Variants in MGAT4D observed in about 807,000 individuals in gnomAD.
MGAT4D encodes alpha-1,3-mannosyl-glycoprotein 4-beta-N-acetylglucosaminyltransferase-like protein MGAT4D.
Under a neutral mutation model 15.9 loss-of-function variants are expected in MGAT4D, and 34 were observed. The observed-to-expected ratio is 2.14, with a 90% CI of 1.62 to 2.84. The LOEUF is 2.84. Among genes scored for constraint, MGAT4D ranks in the 30% most tolerant of loss-of-function variants. MGAT4D has a pLI of 0.00. For synonymous variants in MGAT4D, 112 were observed against 48.2 expected, an observed-to-expected ratio of 2.33 and a Z score of -5.49; for missense variants, 327 against 140.2, an observed-to-expected ratio of 2.33 and a Z score of -6.73.
chr4:140,468,446 A>AT (rs1731691569), intron 5 of MGAT4D, among the ~76,000 whole-genome samples: 1 of 152,168 alleles, frequency 6.6e-6, no homozygotes, highest in South Asian at 2.1e-4. Context: ...AAAGGCTTAC[A>AT]ATGATGCGGT....
At chr4:140,461,268 T>C (rs1057464420) in intron 7 of MGAT4D, among the ~76,000 whole-genome samples, 9 of 152,232 alleles carry the variant, frequency 5.9e-5, no homozygotes, top group African/African-American at 2.2e-4. Flanking sequence ...TTTTTTTTCT[T>C]CCAATGAAAG....
chr4:140,467,119 G>A (rs555983335), intron 5 of MGAT4D, among the ~76,000 whole-genome samples: 43 of 151,974 alleles, frequency 2.8e-4, no homozygotes, highest in Non-Finnish European at 5.6e-4. Flanking sequence ...ATTTTGGTGG[G>A]AGCATAAGTG....
intron 2 of MGAT4D, among the ~76,000 whole-genome samples, chr4:140,480,017 G>T (rs982293195): frequency 1.2e-4 from 19 of 152,120 alleles, no homozygotes; most frequent in African/African-American, 4.3e-4. Context: ...GACTATATTT[G>T]TAAACTTCAT....
intron 9 of MGAT4D, among the ~76,000 whole-genome samples, chr4:140,456,263 T>C (rs1730791587): frequency 6.6e-6 from 1 of 152,218 alleles, no homozygotes; most frequent in Non-Finnish European, 1.5e-5. Flanking sequence ...AGTTGCATCA[T>C]TTGAAAAATC....
rs1157247531 is a variant in MGAT4D at position 140,482,432 on chromosome 4, G to C, written c.148C>G (p.Leu50Val). Residue 50 changes from leucine (L) to valine (V), a missense_variant, in exon 2 of 11, where the codon CTA (leucine) becomes GTA (valine). Transcript: ENST00000511113. ...TTTTCAGTTTTGTTTCTTAAGTGTA[G>C]CATATTTTCTTTAAACTCCAAAATA... ...NHILEFKENM[L>V]HLRNKTEKNT... The C allele has an allele frequency of 3.2e-6, 2 of 633,944 alleles. No homozygotes were observed. Among genetic ancestry groups the C allele is most frequent in the Non-Finnish European group, 5.6e-6 (2 of 358,582 alleles). 39.3% of individuals were successfully genotyped at this position (633,944 alleles called of 1,614,324 possible). A position where few individuals can be genotyped will look rare whatever the true frequency, so the allele number is the denominator to read the frequency against.
intron 9 of MGAT4D, 94 bp from the exon 10 acceptor site, chr4:140,451,611 C>A: frequency 2.5e-6 from 1 of 395,038 alleles, no homozygotes; most frequent in African/African-American, 2.1e-5. Context: ...TTAGTTTTTG[C>A]TAGAGTTCTA....
intron 10 of MGAT4D, 89 bp downstream of exon 10, chr4:140,451,321 G>A (rs920766340): frequency 2.2e-5 from 9 of 412,766 alleles, no homozygotes; most frequent in African/African-American, 1.0e-4. Context: ...ATATTTTATA[G>A]TGTCTTATGT....
At chr4:140,481,231 G>A (rs6824469) in intron 2 of MGAT4D, among the ~76,000 whole-genome samples, 37,392 of 151,802 alleles carry the variant, frequency 0.25, 4,918 homozygotes, top group East Asian at 0.48. Context: ...CTTGGGCCCA[G>A]GAGGTGGAGG....
At chr4:140,445,372 G>C (rs1490468406) in intron 10 of MGAT4D, among the ~76,000 whole-genome samples, 1 of 151,942 alleles carries the variant, frequency 6.6e-6, no homozygotes, top group African/African-American at 2.4e-5. Flanking sequence ...CTTTTTAATG[G>C]GGTTGTTTGT....
intron 1 of MGAT4D, among the ~76,000 whole-genome samples, chr4:140,489,802 G>T (rs184521311): frequency 1.3e-5 from 2 of 152,152 alleles, no homozygotes; most frequent in East Asian, 3.9e-4. Flanking sequence ...GAATATTCTG[G>T]TACATGTCTC....
chr4:140,470,677 T>C (rs934226355), intron 5 of MGAT4D, among the ~76,000 whole-genome samples: 1 of 152,202 alleles, frequency 6.6e-6, no homozygotes, highest in Non-Finnish European at 1.5e-5. Flanking sequence ...CCTCAGCAAT[T>C]CTATTTATCA....
At chr4:140,463,484 G>A (rs1033149647) in intron 6 of MGAT4D, among the ~76,000 whole-genome samples, 2 of 151,968 alleles carry the variant, frequency 1.3e-5, no homozygotes, top group Admixed American at 1.3e-4. Flanking sequence ...GTAGTCTGGG[G>A]CAAGAGCTCA....
chr4:140,487,952 A>G (rs1288545056), intron 1 of MGAT4D, among the ~76,000 whole-genome samples: 1 of 152,164 alleles, frequency 6.6e-6, no homozygotes, highest in Non-Finnish European at 1.5e-5. Flanking sequence ...AGACAATCAG[A>G]TTGTGCATTT....
chr4:140,444,553 G>A (rs149452356), intron 10 of MGAT4D, among the ~76,000 whole-genome samples: 2,075 of 152,168 alleles, frequency 0.014, 48 homozygotes, highest in African/African-American at 0.047. Context: ...ACATGATCTC[G>A]TTCTTTTTTA....
intron 1 of MGAT4D, among the ~76,000 whole-genome samples, chr4:140,495,611 G>A (rs1437024168): frequency 6.6e-6 from 1 of 152,182 alleles, no homozygotes; most frequent in Non-Finnish European, 1.5e-5. Context: ...CAGGAAGTAT[G>A]TTCTGTCCTC....
intron 9 of MGAT4D, among the ~76,000 whole-genome samples, chr4:140,452,169 AAAAAACAAAAAC>A (rs1376374635): frequency 6.6e-6 from 1 of 152,058 alleles, no homozygotes; most frequent in Non-Finnish European, 1.5e-5. Flanking sequence ...CTCCATTTTT[AAAAAACAAAAAC>A]AAAAACAAAA....
intron 8 of MGAT4D, 97 bp downstream of exon 8, chr4:140,459,415 T>C (rs944799396): frequency 2.8e-6 from 1 of 362,548 alleles, no homozygotes; most frequent in Non-Finnish European, 5.0e-6. Context: ...TGCCATTCTT[T>C]TTCATTTAGT....
chr4:140,470,046 C>T (rs1731817915), intron 5 of MGAT4D, among the ~76,000 whole-genome samples: 1 of 152,256 alleles, frequency 6.6e-6, no homozygotes, highest in Admixed American at 6.5e-5. Flanking sequence ...TCAGCTCCCG[C>T]GGTGGCGGAG....
At chr4:140,466,645 T>C (rs1305453660) in intron 5 of MGAT4D, among the ~76,000 whole-genome samples, 4 of 152,184 alleles carry the variant, frequency 2.6e-5, no homozygotes, top group Non-Finnish European at 2.9e-5. Flanking sequence ...TATTTATAGT[T>C]GACAGAGAGT....
Sources: gnomAD v4.1 joint callset for allele counts (sites outside exome capture counted in the v4.1 genomes callset) on GRCh38, gnomAD v4.1.1 for gene constraint, MANE v1.5 for transcripts, NCBI Gene and HGNC (gene_info 2026-07-23, HGNC 2026-07-21) for gene names.